Variants in LTA4H observed in about 807,000 individuals in gnomAD.
The protein encoded by LTA4H is leukotriene A4 hydrolase.
Under a neutral mutation model 89.8 loss-of-function variants are expected in LTA4H, and 59 were observed. That is an observed-to-expected ratio of 0.66 (90% CI 0.53 to 0.82). The LOEUF (loss-of-function observed/expected upper bound fraction) is 0.82. Ranked by LOEUF, LTA4H falls within the 40% of genes least tolerant of loss-of-function variation. The pLI, the probability that LTA4H is intolerant of heterozygous loss-of-function variation, is 0.00. For synonymous variants in LTA4H, 227 were observed against 253.1 expected (o/e 0.90, Z 0.98); for missense variants, 617 against 727.0 (o/e 0.85, Z 1.74).
chr12:96,035,693 G>T (rs1950634702), upstream of LTA4H: 1 of 1,406,076 alleles, frequency 7.1e-7, no homozygotes, highest in South Asian at 1.6e-5. Flanking sequence ...GATGGGTGAA[G>T]GAACTACAAG....
chr12:96,043,454 C>T, exon 1 of LTA4H: 1 of 893,626 alleles, frequency 1.1e-6, no homozygotes. Context: ...GCCCTCTTCC[C>T]TTGTTGCTTT....
chr12:96,033,163 T>C (rs1279345793), intron 1 of LTA4H, among the ~76,000 whole-genome samples: 1 of 152,226 alleles, frequency 6.6e-6, no homozygotes, highest in Admixed American at 6.5e-5. Context: ...GAGGTCACAT[T>C]AAGCAGCAAA....
intron 10 of LTA4H, among the ~76,000 whole-genome samples, 183 bp downstream of exon 10, chr12:96,016,861 C>T (rs1254518996): frequency 6.6e-6 from 1 of 151,508 alleles, no homozygotes; most frequent in African/African-American, 2.4e-5. Context: ...GATCGCACCA[C>T]TGCACTCTAG....
Position 96,022,719 on chromosome 12 carries a change from AGTAAGT to A in LTA4H, c.481-474_481-469del, listed in dbSNP as rs757743971. On this transcript the variant is annotated intron_variant, in intron 4 of 18. Coordinates refer to ENST00000228740, the MANE Select transcript of LTA4H (RefSeq NM_000895.3). This position sits in a 1 kb window ranked among gnomAD's most constrained non-coding sequence, Gnocchi z 4.0. ...CCCCCGAGCCTCAGTTTCCCCATCA[AGTAAGT>A]GTAAAACTTCAAAGGCTTGCTGCAA... Among the ~76,000 whole-genome samples, 3 of 152,172 alleles carry A rather than the reference AGTAAGT, an allele frequency of 2.0e-5. No homozygotes were observed. The highest frequency in any genetic ancestry group is 2.9e-5 in the Non-Finnish European group (2 of 68,030).
chr12:96,043,320 A>C (rs907708913), exon 1 of LTA4H: 1 of 1,535,530 alleles, frequency 6.5e-7, no homozygotes, highest in African/African-American at 1.4e-5. Flanking sequence ...ACGAGTCTTA[A>C]CTGGGATATG....
chr12:96,030,215 G>GT (rs529490377), intron 1 of LTA4H, among the ~76,000 whole-genome samples: 3 of 152,044 alleles, frequency 2.0e-5, no homozygotes, highest in African/African-American at 7.2e-5. Context: ...TTTGTCTAAT[G>GT]TTTTTTTCCT....
At chr12:96,009,842 G>GT (rs1297520276) in intron 14 of LTA4H, 9 of 152,210 alleles carry the variant, frequency 5.9e-5, no homozygotes, top group African/African-American at 2.2e-4. Flanking sequence ...TGAAATGCTT[G>GT]TATTAGGGAA....
Position 96,035,407 on chromosome 12 carries a change from G to C in LTA4H, c.113C>G (p.Thr38Ser). 1 of 1,611,480 alleles carries C rather than the reference G, an allele frequency of 6.2e-7. No homozygotes were observed. The change falls in exon 1 of 19, where the codon ACT becomes AGT. Residue 38 changes from threonine to serine, a missense_variant. Physicochemically the swap from Thr to Ser is moderately conservative, Grantham distance 58 (BLOSUM62 1). Transcript: ENST00000228740. ...VDFTRRTLTG[T>S]AALTVQSQED... ...CTGAGACTGGACCGTGAGAGCAGCA[G>C]TCCCGGTCAGCGTCCGGCGAGTAAA...
intron 7 of LTA4H, 129 bp downstream of exon 7, chr12:96,019,039 C>T: frequency 1.8e-6 from 2 of 1,132,130 alleles, no homozygotes; most frequent in Admixed American, 2.5e-5. Context: ...AAGAATGTAG[C>T]AACTACACAT....
chr12:96,006,676 AC>A (rs1950208594), intron 15 of LTA4H, among the ~76,000 whole-genome samples: 2 of 152,338 alleles, frequency 1.3e-5, no homozygotes, highest in Admixed American at 1.3e-4. Context: ...CATTCATTGT[AC>A]CATTCGAGGT....
At chr12:96,019,649 T>C (rs1950428185) in intron 6 of LTA4H, among the ~76,000 whole-genome samples, 1 of 146,670 alleles carries the variant, frequency 6.8e-6, no homozygotes, top group Non-Finnish European at 1.5e-5. Context: ...TGGAGTGCAG[T>C]GGCACGATCT....
Position 96,002,971 on chromosome 12 carries a change from C to A in LTA4H, c.1707G>T (p.Arg569=), listed in dbSNP as rs1332050251. The A allele has an allele frequency of 1.9e-6, 3 of 1,596,722 alleles. No homozygotes were observed. The highest frequency in any genetic ancestry group is 2.7e-5 in the African/African-American group (2 of 74,784). Residue 569 remains arginine, a synonymous_variant, in exon 18 of 19, where the codon CGG becomes CGT. Coordinates refer to ENST00000228740, the MANE Select transcript of LTA4H (RefSeq NM_000895.3). ...ATEQGRMKFT[R]PLFKDLAAFD... ...GAGTGGGTTCTTACTTGAATAAGGGCCGGGTAAACTTCATTCTTCCTTGTT... is the reference window on the plus strand; with the variant it reads ...GAGTGGGTTCTTACTTGAATAAGGGACGGGTAAACTTCATTCTTCCTTGTT...
intron 1 of LTA4H, among the ~76,000 whole-genome samples, chr12:96,032,983 G>C (rs1397669750): frequency 6.6e-6 from 1 of 152,134 alleles, no homozygotes; most frequent in East Asian, 1.9e-4. Flanking sequence ...AAAGGATCAG[G>C]AAAAGTAACT....
chr12:96,003,778 A>G, intron 17 of LTA4H, 60 bp downstream of exon 17: 1 of 1,170,542 alleles, frequency 8.5e-7, no homozygotes, highest in East Asian at 2.4e-5. Context: ...CCCTTTCTCC[A>G]TCTTTCAAAG....
Position 96,021,126 on chromosome 12 carries a change from G to A in LTA4H, c.597C>T (p.Pro199=). The change falls in exon 6 of 19, where the codon CCC becomes CCT. Residue 199 remains proline, a synonymous_variant. Coordinates refer to ENST00000228740, the MANE Select transcript of LTA4H (RefSeq NM_000895.3). ...CAACAACTAAAGCAATCAGGTAGCA[G>A]GGTATTGGAACCTAAAGAGGGCAAA... The part of the protein sequence containing the change: ...IYKFIQKVPI[P]CYLIALVVGA... 2.5e-6 allele frequency: 4 copies of A among 1,598,312 alleles called. No individual in the cohort carries two copies. The highest frequency in any genetic ancestry group is 3.4e-6 in the Non-Finnish European group (4 of 1,175,442).
chr12:96,021,182 TCA>T (rs1483509595), intron 5 of LTA4H, 45 bp from the exon 6 acceptor site: 1 of 1,428,750 alleles, frequency 7.0e-7, no homozygotes, highest in Non-Finnish European at 9.5e-7. Flanking sequence ...GCATTAGTGT[TCA>T]CAAATGTTAC....
upstream of LTA4H, among the ~76,000 whole-genome samples, chr12:96,036,515 G>T (rs1950648935): frequency 6.6e-6 from 1 of 152,184 alleles, no homozygotes; most frequent in Non-Finnish European, 1.5e-5. Flanking sequence ...ATAAAATGCG[G>T]TATCAAAACC....
intron 1 of LTA4H, among the ~76,000 whole-genome samples, chr12:96,041,994 T>TC (rs1950691284): frequency 6.9e-6 from 1 of 145,420 alleles, no homozygotes; most frequent in South Asian, 2.2e-4. Context: ...TTCTTTTTTT[T>TC]TTTTTTTTTG....
intron 15 of LTA4H, 58 bp from the exon 16 acceptor site, chr12:96,006,467 G>C: frequency 2.1e-6 from 2 of 950,590 alleles, no homozygotes; most frequent in Non-Finnish European, 3.2e-6. Flanking sequence ...ATACTTATTG[G>C]TTTATCTGAC....
Sources: gnomAD v4.1 joint callset for allele counts (sites outside exome capture counted in the v4.1 genomes callset) on GRCh38, gnomAD v4.1.1 for gene constraint, Gnocchi (gnomAD v3.1) non-coding constraint, MANE v1.5 for transcripts, NCBI Gene and HGNC (gene_info 2026-07-23, HGNC 2026-07-21) for gene names.